KIAA1328: variants seen among roughly 807,000 people sequenced by gnomAD.
KIAA1328 encodes the protein KIAA1328.
Under a neutral mutation model 68.1 loss-of-function variants are expected in KIAA1328, and 52 were observed. The ratio of observed to expected loss-of-function variants is 0.76; its 90% CI spans 0.61 to 0.96. KIAA1328 has a LOEUF of 0.96. KIAA1328 is among the 40% of genes least tolerant of loss of function. The pLI is 0.00. For missense variants in KIAA1328, 641 were observed against 677.6 expected, an observed-to-expected ratio of 0.95 and a Z score of 0.60; for synonymous variants, 232 against 239.4, an observed-to-expected ratio of 0.97 and a Z score of 0.28.
chr18:37,225,024 G>C lies in KIAA1328; in HGVS notation c.*2797G>C, dbSNP rs1209141833. The C allele has an allele frequency of 4.1e-6, 4 of 985,228 alleles. No individual in the cohort carries two copies. The highest frequency in any genetic ancestry group is 6.1e-5 in the Admixed American group (1 of 16,262). The allele number at this position is 985,228 out of a possible 1,614,324, so 61.0% of individuals were successfully genotyped here. The stretch of plus-strand genomic sequence containing the variant: ...TATCCAAACCTGATCCCCATGATGG[G>C]GACTTTTCTAGAGCACCCCAAATGT... On this transcript the variant is annotated 3_prime_UTR_variant, in exon 10 of 10. Coordinates refer to ENST00000280020, the MANE Select transcript of KIAA1328 (RefSeq NM_020776.3).
intron 4 of KIAA1328, among the ~76,000 whole-genome samples, chr18:36,845,995 T>G (rs1014035063): frequency 1.3e-5 from 2 of 151,646 alleles, no homozygotes; most frequent in African/African-American, 2.4e-5. Context: ...AGAACCCCAT[T>G]ATTACTGTAT....
At chr18:36,947,209 G>T (rs1428443464) in intron 5 of KIAA1328, among the ~76,000 whole-genome samples, 1 of 152,140 alleles carries the variant, frequency 6.6e-6, no homozygotes, top group Non-Finnish European at 1.5e-5. Flanking sequence ...AGATAAAATA[G>T]TTCAAGGAGA....
intron 5 of KIAA1328, among the ~76,000 whole-genome samples, chr18:36,948,030 G>A (rs530412928): frequency 7.2e-5 from 11 of 152,070 alleles, no homozygotes; most frequent in Non-Finnish European, 1.2e-4. Context: ...TCCCATCATG[G>A]CCTGAACTTG....
chr18:36,839,858 C>T (rs1323602888), intron 3 of KIAA1328, among the ~76,000 whole-genome samples: 1 of 152,138 alleles, frequency 6.6e-6, no homozygotes, highest in Non-Finnish European at 1.5e-5. Context: ...AGACTGTTCT[C>T]CTATGCTGTA....
At chr18:36,958,732 A>G (rs1307457801) in intron 5 of KIAA1328, among the ~76,000 whole-genome samples, 3 of 152,176 alleles carry the variant, frequency 2.0e-5, no homozygotes, top group Non-Finnish European at 4.4e-5. Flanking sequence ...TATTCTGGAC[A>G]CAAATTCTTT....
intron 7 of KIAA1328, among the ~76,000 whole-genome samples, chr18:37,082,475 G>C (rs1007029838): frequency 2.6e-5 from 4 of 151,964 alleles, no homozygotes; most frequent in Non-Finnish European, 5.9e-5. Context: ...CCCGGCCCCA[G>C]GGAATTTCAC....
chr18:37,039,437 G>A (rs1021107435), intron 6 of KIAA1328, among the ~76,000 whole-genome samples: 46 of 150,580 alleles, frequency 3.1e-4, no homozygotes, highest in African/African-American at 7.8e-4. Flanking sequence ...TTTTTGAGGC[G>A]GAATCTCGCT....
rs922905359 is a variant in KIAA1328, at chr18:36,885,845, T to C, written c.448+173T>C. 7.5e-6 allele frequency: 4 copies of C among 530,778 alleles called. No individual in the cohort carries two copies. In the South Asian group the frequency reaches 1.1e-4, roughly 15 times the overall value. 32.9% of individuals were successfully genotyped at this position (530,778 alleles called of 1,614,324 possible). A position where few individuals can be genotyped will look rare whatever the true frequency, so the allele number is the denominator to read the frequency against. On this transcript the variant is annotated intron_variant, in intron 5 of 9. Transcript: ENST00000280020. ...GATTCTCCTACCTCAGCCTCCCGAG[T>C]AGCTGGGATTACAGGCACCCACCAC...
intron 6 of KIAA1328, among the ~76,000 whole-genome samples, chr18:36,986,186 T>G (rs566521226): frequency 1.3e-5 from 2 of 151,830 alleles, no homozygotes; most frequent in African/African-American, 4.8e-5. Context: ...AACCTCAAAT[T>G]AAAACAACCC....
chr18:36,878,570 G>A (rs1311366305), intron 4 of KIAA1328, among the ~76,000 whole-genome samples: 3 of 152,114 alleles, frequency 2.0e-5, no homozygotes, highest in Middle Eastern at 3.2e-3. Flanking sequence ...GTCTTGCTAG[G>A]TTGGGGAAGT....
intron 5 of KIAA1328, among the ~76,000 whole-genome samples, chr18:36,890,527 C>T (rs1338171949): frequency 2.0e-5 from 3 of 151,892 alleles, no homozygotes; most frequent in Non-Finnish European, 2.9e-5. Flanking sequence ...AAAAATTAGC[C>T]GGGCAAGGTG....
intron 4 of KIAA1328, among the ~76,000 whole-genome samples, chr18:36,855,753 C>A (rs773764112): frequency 2.1e-4 from 32 of 151,260 alleles, no homozygotes; most frequent in Non-Finnish European, 3.7e-4. Context: ...ATTTACATCC[C>A]TGTGTTTTCT....
At chr18:37,086,699 G>A (rs1400868099) in intron 7 of KIAA1328, among the ~76,000 whole-genome samples, 2 of 152,114 alleles carry the variant, frequency 1.3e-5, no homozygotes, top group Non-Finnish European at 2.9e-5. Context: ...ATAGCATTCT[G>A]ACTTAGTAGT....
At chr18:37,192,359 A>C (rs945157005) in intron 9 of KIAA1328, among the ~76,000 whole-genome samples, 2 of 152,168 alleles carry the variant, frequency 1.3e-5, no homozygotes, top group Non-Finnish European at 2.9e-5. Flanking sequence ...TTAAACTTCA[A>C]ACTGCACTGA....
At chr18:37,124,166 T>G (rs559589294) in intron 7 of KIAA1328, among the ~76,000 whole-genome samples, 44 of 152,224 alleles carry the variant, frequency 2.9e-4, no homozygotes, top group African/African-American at 9.6e-4. Context: ...AATGCTAAGC[T>G]AAGACAAAAT....
chr18:37,226,715 C>CTTTTTTTTTTTTTTT (rs763991741), downstream of KIAA1328, among the ~76,000 whole-genome samples: 2 of 128,688 alleles, frequency 1.6e-5, no homozygotes, highest in Non-Finnish European at 1.6e-5. Flanking sequence ...GGGTTGTTCC[C>CTTTTTTTTTTTTTTT]TTTTTTTTTT....
chr18:37,075,047 G>C (rs1413436001), intron 7 of KIAA1328: 1 of 151,820 alleles, frequency 6.6e-6, no homozygotes, highest in African/African-American at 2.4e-5. Flanking sequence ...CACCAAAGTT[G>C]AAATGAAGGA....
At chr18:37,077,731 G>A (rs2056794531) in intron 7 of KIAA1328, among the ~76,000 whole-genome samples, 2 of 136,722 alleles carry the variant, frequency 1.5e-5, no homozygotes, top group African/African-American at 6.3e-5. Flanking sequence ...ATTCACAATT[G>A]CTTCAAAGAG....
rs2047262603 is a variant in KIAA1328 at position 36,852,982 on chromosome 18, C to G, written c.332+8680C>G. ...TAATATTTTCATATATTTTGAGGTGCTGTTTGGTGTATATTTTTATAATTT... is the reference window on the plus strand; with the variant it reads ...TAATATTTTCATATATTTTGAGGTGGTGTTTGGTGTATATTTTTATAATTT... On this transcript the variant is annotated intron_variant, in intron 4 of 9. Coordinates refer to ENST00000280020, the MANE Select transcript of KIAA1328 (RefSeq NM_020776.3). 5.3e-5 allele frequency among the ~76,000 whole-genome samples: 8 copies of G among 152,210 alleles called. No homozygotes were observed. The South Asian group carries it at 1.7e-3, about 32-fold the overall frequency.
Sources: allele counts gnomAD v4.1 joint callset (sites outside exome capture counted in the v4.1 genomes callset), GRCh38; gene constraint gnomAD v4.1.1; transcripts MANE v1.5; gene names NCBI Gene and HGNC (gene_info 2026-07-23, HGNC 2026-07-21).